Variants in ANTXR1 observed in about 807,000 individuals in gnomAD.
ANTXR1 encodes the protein anthrax toxin receptor 1.
A neutral mutation model predicts 78.1 loss-of-function variants in ANTXR1; 19 were observed. That is an observed-to-expected ratio of 0.24 (90% CI 0.17 to 0.36). The LOEUF (loss-of-function observed/expected upper bound fraction) is 0.36, where lower values mean the gene tolerates loss of function less well. Among genes scored for constraint, ANTXR1 ranks in the 10% least tolerant of loss-of-function variants. The pLI, the probability that ANTXR1 is intolerant of heterozygous loss-of-function variation, is 1.00. For synonymous variants in ANTXR1, 273 were observed against 260.5 expected (o/e 1.05, Z -0.46); for missense variants, 518 against 718.6 (o/e 0.72, Z 3.19).
intron 14 of ANTXR1, among the ~76,000 whole-genome samples, chr2:69,170,685 A>G (rs891965626): frequency 7.5e-6 from 1 of 133,950 alleles, no homozygotes; most frequent in Non-Finnish European, 1.7e-5. Flanking sequence ...AGTTTGCTAC[A>G]TTCTCCAATC....
chr2:69,042,266 G>A (rs1669636296), intron 2 of ANTXR1, among the ~76,000 whole-genome samples: 1 of 151,988 alleles, frequency 6.6e-6, no homozygotes, highest in Non-Finnish European at 1.5e-5. Flanking sequence ...TTTTCCTCAA[G>A]CCTTCAACCT....
chr2:69,024,058 T>C (rs2104001033), intron 1 of ANTXR1, among the ~76,000 whole-genome samples: 1 of 152,338 alleles, frequency 6.6e-6, no homozygotes, highest in African/African-American at 2.4e-5. Flanking sequence ...CTATCATCTA[T>C]GTTTGCAGTG....
At chr2:69,110,688 G>A (rs909761166) in intron 10 of ANTXR1, among the ~76,000 whole-genome samples, 3 of 151,988 alleles carry the variant, frequency 2.0e-5, no homozygotes, top group East Asian at 1.9e-4. Flanking sequence ...GTGAAACCCC[G>A]TCTCCACTAA....
chr2:69,035,221 G>A (rs1238380917), intron 1 of ANTXR1, among the ~76,000 whole-genome samples: 3 of 152,170 alleles, frequency 2.0e-5, no homozygotes, highest in Admixed American at 6.5e-5. Flanking sequence ...GCTGGGATTG[G>A]TGGGTGGTGG....
chr2:69,231,907 A>G (rs1573993802), intron 17 of ANTXR1, among the ~76,000 whole-genome samples: 1 of 152,174 alleles, frequency 6.6e-6, no homozygotes, highest in South Asian at 2.1e-4. Flanking sequence ...AAGGGAGTAG[A>G]GGCATAGACC....
At chr2:69,114,506 C>G (rs1672080534) in intron 10 of ANTXR1, among the ~76,000 whole-genome samples, 1 of 152,200 alleles carries the variant, frequency 6.6e-6, no homozygotes, top group Admixed American at 6.5e-5. Context: ...TACTTCCTCT[C>G]CATCTGGGGC....
intron 3 of ANTXR1, among the ~76,000 whole-genome samples, chr2:69,060,280 T>A (rs1018124356): frequency 6.6e-6 from 1 of 152,174 alleles, no homozygotes. Flanking sequence ...ACACCTTTGT[T>A]TTACTTTGAG....
intron 17 of ANTXR1, among the ~76,000 whole-genome samples, chr2:69,211,804 C>T (rs1331996995): frequency 2.6e-5 from 4 of 152,254 alleles, no homozygotes; most frequent in Non-Finnish European, 4.4e-5. Context: ...CACAGTCAGA[C>T]GCTGCCTGCT....
At chr2:69,075,455 G>A in intron 6 of ANTXR1, 135 bp from the exon 7 acceptor site, 2 of 832,512 alleles carry the variant, frequency 2.4e-6, no homozygotes. Context: ...GACAGGGATT[G>A]CCTTCTCCAG....
chr2:69,183,727 T>G (rs891393645), intron 16 of ANTXR1, among the ~76,000 whole-genome samples: 1 of 152,042 alleles, frequency 6.6e-6, no homozygotes, highest in Admixed American at 6.6e-5. Flanking sequence ...AAGGCCTCTT[T>G]TCTATTCTTC....
intron 12 of ANTXR1, among the ~76,000 whole-genome samples, chr2:69,141,489 T>C (rs1673067100): frequency 6.6e-6 from 1 of 152,068 alleles, no homozygotes; most frequent in South Asian, 2.1e-4. Flanking sequence ...TTGAGTCCAG[T>C]GTGCGCAAGT....
At chr2:69,103,233 C>G (rs922812224) in intron 10 of ANTXR1, 9 of 440,614 alleles carry the variant, frequency 2.0e-5, no homozygotes, top group Non-Finnish European at 3.8e-5. Flanking sequence ...CTGCAGCAGC[C>G]CTCCGGAAGC....
intron 14 of ANTXR1, chr2:69,172,541 T>A: frequency 7.2e-7 from 1 of 1,397,236 alleles, no homozygotes; most frequent in Non-Finnish European, 9.3e-7. Context: ...ATTCAATAAA[T>A]AGCTATATGA....
chr2:69,013,780 G>A lies in ANTXR1; in HGVS notation c.152+129G>A. On this transcript the variant is annotated intron_variant, in intron 1 of 17. Transcript: ENST00000303714. This position sits in a 1 kb window ranked among gnomAD's most constrained non-coding sequence, Gnocchi z 5.0. ...CTCCAGGGCCACAGAGGGACCGCGC[G>A]GCAGGCGGCGGCGGAGTGCTGCGCC... 2 of 1,466,006 alleles carry A rather than the reference G, an allele frequency of 1.4e-6. No homozygotes were observed. The highest frequency in any genetic ancestry group is 9.3e-7 in the Non-Finnish European group (1 of 1,074,144). The allele number at this position is 1,466,006 out of a possible 1,614,324, so 90.8% of individuals were successfully genotyped here.
chr2:69,193,610 T>C (rs1015076904), intron 17 of ANTXR1, among the ~76,000 whole-genome samples, 195 bp downstream of exon 17: 1 of 152,216 alleles, frequency 6.6e-6, no homozygotes, highest in Non-Finnish European at 1.5e-5. Flanking sequence ...AAATCAGACA[T>C]TGATTTTCAA....
chr2:69,130,207 T>C (rs891129476), intron 12 of ANTXR1, among the ~76,000 whole-genome samples: 4 of 152,190 alleles, frequency 2.6e-5, no homozygotes, highest in African/African-American at 9.7e-5. Flanking sequence ...ATTTGCTTTG[T>C]ACTGGCTGCT....
chr2:69,215,505 C>T (rs1675152811), intron 17 of ANTXR1, among the ~76,000 whole-genome samples: 1 of 152,178 alleles, frequency 6.6e-6, no homozygotes, highest in Non-Finnish European at 1.5e-5. Context: ...AAAGATATGC[C>T]CCATGGGGCA....
At chr2:69,244,664 G>A (rs1270534873) in intron 17 of ANTXR1, among the ~76,000 whole-genome samples, 1 of 152,214 alleles carries the variant, frequency 6.6e-6, no homozygotes, top group Non-Finnish European at 1.5e-5. Context: ...GGAGAAGCTC[G>A]TGGTGTTAAC....
chr2:69,066,873 G>A (rs1048920760), intron 3 of ANTXR1, among the ~76,000 whole-genome samples: 12 of 152,224 alleles, frequency 7.9e-5, no homozygotes, highest in African/African-American at 2.6e-4. Context: ...GGAAAACAGG[G>A]GCTCTGTAAT....
Sources: gnomAD v4.1 joint callset for allele counts (sites outside exome capture counted in the v4.1 genomes callset) on GRCh38, gnomAD v4.1.1 for gene constraint, Gnocchi (gnomAD v3.1) non-coding constraint, MANE v1.5 for transcripts, NCBI Gene and HGNC (gene_info 2026-07-23, HGNC 2026-07-21) for gene names.